Variants in MLLT10 observed in about 807,000 individuals in gnomAD.
The protein encoded by MLLT10 is MLLT10 histone lysine methyltransferase DOT1L cofactor, also known as protein AF-10.
Under a neutral mutation model 129.1 loss-of-function variants are expected in MLLT10, and 30 were observed. The ratio of observed to expected loss-of-function variants is 0.23; its 90% CI spans 0.17 to 0.32. MLLT10 has a LOEUF of 0.32. Among genes scored for constraint, MLLT10 ranks in the 10% least tolerant of loss-of-function variants. The pLI is 1.00. For synonymous variants in MLLT10, 490 were observed against 446.4 expected (o/e 1.10, Z -1.23); for missense variants, 1,119 against 1,268.3 (o/e 0.88, Z 1.79).
intron 3 of MLLT10, among the ~76,000 whole-genome samples, chr10:21,562,189 A>T (rs1372776377): frequency 6.6e-6 from 1 of 151,926 alleles, no homozygotes; most frequent in Non-Finnish European, 1.5e-5. Context: ...CCTTTTCAAG[A>T]TTGTTTTGGC....
At chr10:21,663,771 T>G (rs1210942987) in intron 9 of MLLT10, among the ~76,000 whole-genome samples, 2 of 152,136 alleles carry the variant, frequency 1.3e-5, no homozygotes, top group African/African-American at 4.8e-5. Flanking sequence ...TTTCACCTTG[T>G]TAGCCAGGAT....
rs1393782174 is a variant in MLLT10 at position 21,742,022 on chromosome 10, C to G, written c.*39C>G. On this transcript the variant is annotated 3_prime_UTR_variant, in exon 23 of 23. Coordinates refer to ENST00000307729, the MANE Select transcript of MLLT10 (RefSeq NM_001195626.3). Reference sequence around the variant, plus strand: ...TCTAGAAATTGCCTATCCTGCTGTTCTAGCACTTCATCTGGCTGCCTTTGC... The same window carrying G: ...TCTAGAAATTGCCTATCCTGCTGTTGTAGCACTTCATCTGGCTGCCTTTGC... 2 of 1,598,936 alleles carry G rather than the reference C, an allele frequency of 1.3e-6. No homozygotes were observed. The highest frequency in any genetic ancestry group is 1.7e-6 in the Non-Finnish European group (2 of 1,170,892).
At chr10:21,728,219 T>G (rs895276465) in intron 16 of MLLT10, among the ~76,000 whole-genome samples, 13 of 152,230 alleles carry the variant, frequency 8.5e-5, no homozygotes, top group African/African-American at 2.9e-4. Flanking sequence ...CATAAAATAG[T>G]TTTAAGATCT....
intron 3 of MLLT10, among the ~76,000 whole-genome samples, chr10:21,551,289 C>CTTTTTTT (rs11461905): frequency 1.1e-5 from 1 of 91,964 alleles, no homozygotes; most frequent in Non-Finnish European, 2.0e-5. Context: ...CGGATTGTAC[C>CTTTTTTT]TTTTTTTTTT....
At chr10:21,683,679 G>T (rs1193754818) in intron 13 of MLLT10, among the ~76,000 whole-genome samples, 1 of 152,012 alleles carries the variant, frequency 6.6e-6, no homozygotes, top group South Asian at 2.1e-4. Flanking sequence ...AATTTGTACA[G>T]TATTTTCTCT....
chr10:21,646,588 C>T lies in MLLT10; in HGVS notation c.700-5085C>T, dbSNP rs193159311. Among the ~76,000 whole-genome samples the T allele has an allele frequency of 7.2e-5, 11 of 152,028 alleles. No homozygotes were observed. In the East Asian group the frequency reaches 2.1e-3, roughly 29 times the overall value. ...TAAAAAAAATAAACAGAATTTTTCT[C>T]ACACGGCTATTTTAAGGATTGAGAT... On this transcript the variant is annotated intron_variant, in intron 8 of 22. Transcript: ENST00000307729.
At chr10:21,559,914 A>G (rs1402956331) in intron 3 of MLLT10, among the ~76,000 whole-genome samples, 2 of 151,264 alleles carry the variant, frequency 1.3e-5, no homozygotes, top group African/African-American at 2.4e-5. Flanking sequence ...TGAGCTGAAC[A>G]CTGGTATTCT....
At chr10:21,709,505 AC>A (rs1208394482) in intron 13 of MLLT10, among the ~76,000 whole-genome samples, 1 of 152,200 alleles carries the variant, frequency 6.6e-6, no homozygotes, top group Non-Finnish European at 1.5e-5. Context: ...TGCTGGGATT[AC>A]AGATGTGAGC....
intron 13 of MLLT10, among the ~76,000 whole-genome samples, chr10:21,703,776 C>T (rs1165383909): frequency 1.3e-5 from 2 of 151,740 alleles, no homozygotes; most frequent in Non-Finnish European, 2.9e-5. Context: ...GAACTTCTGA[C>T]TTTGTGATCC....
intron 13 of MLLT10, among the ~76,000 whole-genome samples, chr10:21,699,104 A>G (rs1292407821): frequency 6.6e-6 from 1 of 152,058 alleles, no homozygotes; most frequent in African/African-American, 2.4e-5. Context: ...CAAACTCCTG[A>G]CCTCAGGTGA....
At chr10:21,539,043 C>A in intron 3 of MLLT10, 131 bp downstream of exon 3, 1 of 561,352 alleles carries the variant, frequency 1.8e-6, no homozygotes, top group Non-Finnish European at 3.1e-6. Context: ...TAATTTAGGC[C>A]AAATATTGAC....
At chr10:21,614,025 C>T (rs1007324078) in intron 6 of MLLT10, among the ~76,000 whole-genome samples, 1 of 151,652 alleles carries the variant, frequency 6.6e-6, no homozygotes, top group African/African-American at 2.4e-5. Context: ...GCAGTCTGGG[C>T]AACATAGCAA....
chr10:21,735,353 GTTT>G, intron 21 of MLLT10, 118 bp downstream of exon 21: 1 of 860,838 alleles, frequency 1.2e-6, no homozygotes, highest in Non-Finnish European at 1.8e-6. Context: ...AATCAAAAAA[GTTT>G]TTCTTGCCAT....
At chr10:21,549,204 A>G (rs1378601020) in intron 3 of MLLT10, among the ~76,000 whole-genome samples, 1 of 150,694 alleles carries the variant, frequency 6.6e-6, no homozygotes, top group Admixed American at 6.6e-5. Flanking sequence ...GCTCACTGCA[A>G]CCTGCACCTC....
chr10:21,648,974 A>G (rs759438012), intron 8 of MLLT10, among the ~76,000 whole-genome samples: 5 of 152,210 alleles, frequency 3.3e-5, no homozygotes, highest in Non-Finnish European at 5.9e-5. Context: ...GGTCCCTCCC[A>G]TGACACGTGG....
intron 3 of MLLT10, among the ~76,000 whole-genome samples, chr10:21,584,544 C>T (rs1006006905): frequency 1.3e-5 from 2 of 151,952 alleles, no homozygotes; most frequent in African/African-American, 4.8e-5. Flanking sequence ...GAACTCCTGA[C>T]CTCAAGTGGT....
chr10:21,734,321 T>C (rs2058187898), intron 20 of MLLT10, among the ~76,000 whole-genome samples, 192 bp downstream of exon 20: 1 of 152,220 alleles, frequency 6.6e-6, no homozygotes, highest in Non-Finnish European at 1.5e-5. Flanking sequence ...TAAGTTACTT[T>C]TAGTAACAGC....
At chr10:21,547,403 C>CT (rs756393852) in intron 3 of MLLT10, among the ~76,000 whole-genome samples, 8,861 of 119,224 alleles carry the variant, frequency 0.074, 860 homozygotes, top group African/African-American at 0.23. Context: ...CTGCTGTTTT[C>CT]TTTTTTTTTT....
intron 17 of MLLT10, 151 bp downstream of exon 17, chr10:21,731,205 T>G (rs1294724943): frequency 4.0e-6 from 3 of 741,324 alleles, no homozygotes; most frequent in Non-Finnish European, 6.4e-6. Flanking sequence ...TAAGGTGAAG[T>G]GGTTTAATAG....
Sources: gnomAD v4.1 joint callset for allele counts (sites outside exome capture counted in the v4.1 genomes callset) on GRCh38, gnomAD v4.1.1 for gene constraint, MANE v1.5 for transcripts, NCBI Gene and HGNC (gene_info 2026-07-23, HGNC 2026-07-21) for gene names.